PSMD6: variants seen among roughly 807,000 people sequenced by gnomAD.
PSMD6 encodes the protein proteasome 26S subunit, non-ATPase 6, also known as 26S proteasome non-ATPase regulatory subunit 6.
A neutral mutation model predicts 44.9 loss-of-function variants in PSMD6; 7 were observed. The ratio of observed to expected loss-of-function variants is 0.16; its 90% CI spans 0.09 to 0.29. The LOEUF (loss-of-function observed/expected upper bound fraction) is 0.29. Ranked by LOEUF, PSMD6 falls within the 10% of genes least tolerant of loss-of-function variation. The pLI is 1.00. For synonymous variants in PSMD6, 184 were observed against 172.7 expected, an observed-to-expected ratio of 1.07 and a Z score of -0.51; for missense variants, 420 against 482.6, an observed-to-expected ratio of 0.87 and a Z score of 1.21.
intron 5 of PSMD6, chr3:64,016,674 G>T (rs1035051253): frequency 2.6e-5 from 4 of 152,130 alleles, no homozygotes; most frequent in Admixed American, 6.6e-5. Context: ...TAATCAAAAA[G>T]ACAGAAAATA....
intron 2 of PSMD6, chr3:64,019,869 CAA>C (rs1168132308): frequency 6.5e-6 from 1 of 153,830 alleles, no homozygotes; most frequent in African/African-American, 2.4e-5. Flanking sequence ...AATTTTCTCT[CAA>C]AGCACTGTGG....
chr3:64,011,132 TCTA>T (rs1337630295), intron 6 of PSMD6, 177 bp from the exon 7 acceptor site: 2 of 518,656 alleles, frequency 3.9e-6, no homozygotes, highest in Non-Finnish European at 6.8e-6. Context: ...TAAGTCATCA[TCTA>T]CTAGAATAAA....
At chr3:64,022,644 G>A (rs1420845039) in intron 1 of PSMD6, 121 bp from the exon 2 acceptor site, 2 of 1,559,722 alleles carry the variant, frequency 1.3e-6, no homozygotes, top group African/African-American at 1.4e-5. Context: ...CCCACTAACA[G>A]GAAGGCATGC....
At chr3:64,011,481 CTAAAAT>C (rs2075949517) in intron 6 of PSMD6, 1 of 148,196 alleles carries the variant, frequency 6.7e-6, no homozygotes, top group Non-Finnish European at 1.5e-5. Flanking sequence ...GGGATTTCAT[CTAAAAT>C]GTAACTTTTT....
At chr3:64,012,177 T>TGTACAA (rs2075967921) in intron 6 of PSMD6, 2 of 72,012 alleles carry the variant, frequency 2.8e-5, no homozygotes, top group Admixed American at 1.2e-4. Flanking sequence ...TGTACAATTC[T>TGTACAA]TTCTTTACAA....
At chr3:64,013,411 C>CAATT in intron 6 of PSMD6, 28 bp downstream of exon 6, 2 of 1,512,514 alleles carry the variant, frequency 1.3e-6, no homozygotes, top group Non-Finnish European at 1.8e-6. Context: ...TTTAAAACTT[C>CAATT]AATTAACATG....
At chr3:64,012,744 G>A (rs2075979658) in intron 6 of PSMD6, 2 of 152,320 alleles carry the variant, frequency 1.3e-5, no homozygotes, top group Non-Finnish European at 2.9e-5. Context: ...TCTGCACGCA[G>A]AAGGACTCCA....
chr3:64,014,534 ATGGT>A (rs2076014603), intron 5 of PSMD6: 1 of 152,254 alleles, frequency 6.6e-6, no homozygotes, highest in African/African-American at 2.4e-5. Flanking sequence ...CAGGAAAAGC[ATGGT>A]TAAGCCCAGG....
rs1246793272 is a variant in PSMD6, at chr3:64,021,837, A to T, written c.351+481T>A. Among the ~76,000 whole-genome samples the T allele has an allele frequency of 2.0e-5, 3 of 152,098 alleles. 1 individual carries two copies. Among genetic ancestry groups the T allele is most frequent in the Non-Finnish European group, 4.4e-5 (3 of 68,018 alleles). ...AAAAAAAAAAAAAAAATTACCAAAA[A>T]GTTTGCATAAATGCACAATAAAAGA... On this transcript the variant is annotated intron_variant, in intron 2 of 7. Coordinates refer to ENST00000295901, the MANE Select transcript of PSMD6 (RefSeq NM_014814.3).
chr3:64,019,139 G>T, intron 3 of PSMD6, 102 bp from the exon 4 acceptor site: 1 of 1,392,352 alleles, frequency 7.2e-7, no homozygotes, highest in Non-Finnish European at 9.9e-7. Context: ...TTAACAACTT[G>T]AACCGAAAGG....
chr3:64,013,893 T>C (rs1559674174), intron 5 of PSMD6: 2 of 270,182 alleles, frequency 7.4e-6, no homozygotes, highest in African/African-American at 2.2e-5. Flanking sequence ...CGTACTAATA[T>C]TTTAACCACG....
intron 2 of PSMD6, 25 bp from the exon 3 acceptor site, chr3:64,019,466 G>A (rs1038306820): frequency 1.0e-5 from 16 of 1,597,760 alleles, no homozygotes; most frequent in African/African-American, 1.4e-5. Context: ...AAGGCAATAG[G>A]TGAGAAAAGG....
At position 64,019,299 on chromosome 3, in the gene PSMD6, T is replaced by G; in HGVS notation, c.494A>C (p.Lys165Thr). ...TAATCCCACCCTTAGAAAGTACCTT[T>G]TGGCCTTTTCTGTGTTTCGTGTGAT... The part of the protein sequence containing the change: ...DLITRNTEKA[K>T]SLIEEGGDWD... The change falls in exon 3 of 8, where the codon AAA becomes ACA. Residue 165 changes from lysine to threonine, a missense_variant. By Grantham distance (78) the Lys-to-Thr change is moderately conservative. Coordinates refer to ENST00000295901, the MANE Select transcript of PSMD6 (RefSeq NM_014814.3). 1 of 1,573,590 alleles carries G rather than the reference T, an allele frequency of 6.4e-7. No individual in the cohort carries two copies. The highest frequency in any genetic ancestry group is 8.7e-7 in the Non-Finnish European group (1 of 1,143,436).
intron 6 of PSMD6, chr3:64,012,725 A>G (rs568684405): frequency 3.3e-5 from 5 of 152,364 alleles, no homozygotes; most frequent in African/African-American, 1.2e-4. Flanking sequence ...AGCCTTTTCT[A>G]TTCCCTTTTC....
At chr3:64,023,888 G>C, upstream of PSMD6, 1 of 1,403,156 alleles carries the variant, frequency 7.1e-7, no homozygotes, top group Non-Finnish European at 9.7e-7. Context: ...CTATTTAGTA[G>C]GTAAGACAAA....
Position 64,023,463 on chromosome 3 carries a change from G to C in PSMD6, c.-44C>G, listed in dbSNP as rs761446541. 5.3e-6 allele frequency: 8 copies of C among 1,519,718 alleles called. No homozygotes were observed. The highest frequency in any genetic ancestry group is 1.2e-5 in the South Asian group (1 of 82,210). 94.1% of individuals were successfully genotyped at this position (1,519,718 alleles called of 1,614,324 possible). ...GGCTGACAGGACACAACTTGGTTAC[G>C]ACCGGCTGCGGCAGCGGAAGCGGGA... On this transcript the variant is annotated 5_prime_UTR_variant, in exon 1 of 8. Transcript: ENST00000295901.
intron 5 of PSMD6, chr3:64,016,481 G>T (rs1459643630): frequency 6.6e-6 from 1 of 151,702 alleles, no homozygotes; most frequent in African/African-American, 2.4e-5. Context: ...CATAAGTTCT[G>T]CTCCCAGAAA....
chr3:64,020,364 G>A (rs1011446217), intron 2 of PSMD6, among the ~76,000 whole-genome samples: 2 of 152,078 alleles, frequency 1.3e-5, no homozygotes, highest in African/African-American at 2.4e-5. Flanking sequence ...AAAGTTGTTC[G>A]TTTTGGAAGA....
chr3:64,020,268 G>A (rs2076109084), intron 2 of PSMD6, among the ~76,000 whole-genome samples: 1 of 151,622 alleles, frequency 6.6e-6, no homozygotes, highest in Non-Finnish European at 1.5e-5. Flanking sequence ...TGGTAACAGT[G>A]AATAATAAAA....
Sources: allele counts gnomAD v4.1 joint callset (sites outside exome capture counted in the v4.1 genomes callset), GRCh38; gene constraint gnomAD v4.1.1; transcripts MANE v1.5; gene names NCBI Gene and HGNC (gene_info 2026-07-23, HGNC 2026-07-21).